The following KPNA1 variants were observed in gnomAD, a reference collection of about 807,000 sequenced individuals.
The protein encoded by KPNA1 is karyopherin subunit alpha 1.
In KPNA1, 10 loss-of-function variants were observed where a neutral mutation model predicts 70.5. That is an observed-to-expected ratio of 0.14 (90% CI 0.09 to 0.24). The LOEUF (loss-of-function observed/expected upper bound fraction) is 0.24, where lower values mean the gene tolerates loss of function less well. Among genes scored for constraint, KPNA1 ranks in the 10% least tolerant of loss-of-function variants. KPNA1 has a pLI of 1.00. For synonymous variants in KPNA1, 192 were observed against 221.9 expected, an observed-to-expected ratio of 0.87 and a Z score of 1.20; for missense variants, 397 against 637.9, an observed-to-expected ratio of 0.62 and a Z score of 4.07.
intron 2 of KPNA1, among the ~76,000 whole-genome samples, chr3:122,477,460 A>C (rs1250259341): frequency 6.6e-6 from 1 of 151,948 alleles, no homozygotes; most frequent in African/African-American, 2.4e-5. Context: ...AGCAATTTGG[A>C]AGGCTGAGGA....
At chr3:122,450,559 G>A (rs1272031936) in intron 8 of KPNA1, among the ~76,000 whole-genome samples, 3 of 152,160 alleles carry the variant, frequency 2.0e-5, no homozygotes, top group Non-Finnish European at 2.9e-5. Context: ...TTCAGCCTGG[G>A]CAACAAGAGC....
Position 122,433,783 on chromosome 3 carries a change from C to A in KPNA1, c.1128G>T (p.Val376=), listed in dbSNP as rs1205418312. 6.3e-7 allele frequency: 1 copy of A among 1,593,378 alleles called. No individual in the cohort carries two copies. Among genetic ancestry groups the A allele is most frequent in the Non-Finnish European group, 8.5e-7 (1 of 1,173,714 alleles). Reference sequence around the variant, plus strand: ...GGGCTGGGAAAATGTTGGCATCTATCACAGTCTAAAATTAAAGAAAAACTT... The same window carrying A: ...GGGCTGGGAAAATGTTGGCATCTATAACAGTCTAAAATTAAAGAAAAACTT... The part of the protein sequence containing the change: ...TAGNRAQIQT[V]IDANIFPALI... Residue 376 remains valine, a synonymous_variant, in exon 12 of 14, where the codon GTG becomes GTT. Coordinates refer to ENST00000344337, the MANE Select transcript of KPNA1 (RefSeq NM_002264.4).
chr3:122,490,031 C>T (rs2076679615), intron 2 of KPNA1, among the ~76,000 whole-genome samples: 1 of 152,196 alleles, frequency 6.6e-6, no homozygotes, highest in Non-Finnish European at 1.5e-5. Flanking sequence ...TGTTTCCAGC[C>T]CTGTGTAAGT....
chr3:122,422,703 T>TA lies in KPNA1; in HGVS notation c.*4281dup, dbSNP rs2075776242. 1 of 152,240 alleles carries TA rather than the reference T, an allele frequency of 6.6e-6. No individual in the cohort carries two copies. 9.4% of individuals were successfully genotyped at this position (152,240 alleles called of 1,614,324 possible). A position where few individuals can be genotyped will look rare whatever the true frequency, so the allele number is the denominator to read the frequency against. On this transcript the variant is annotated 3_prime_UTR_variant, in exon 14 of 14. Transcript: ENST00000344337. ...AACCTTGGGGCAAAGTAATTTCTCG[T>TA]AAGTCTTCACTTTGTCATCTATAAT...
At chr3:122,499,391 T>A (rs1225252426) in intron 1 of KPNA1, among the ~76,000 whole-genome samples, 1 of 152,110 alleles carries the variant, frequency 6.6e-6, no homozygotes, top group Non-Finnish European at 1.5e-5. Flanking sequence ...AATTAAAGAG[T>A]GTCAGATTCT....
At chr3:122,465,081 C>A (rs571192108) in intron 3 of KPNA1, among the ~76,000 whole-genome samples, 2 of 152,270 alleles carry the variant, frequency 1.3e-5, no homozygotes, top group Admixed American at 1.3e-4. Flanking sequence ...CCTCTTATAG[C>A]AAGCTGTACT....
chr3:122,508,386 T>C (rs2076915033), intron 1 of KPNA1, among the ~76,000 whole-genome samples: 1 of 151,874 alleles, frequency 6.6e-6, no homozygotes, highest in Admixed American at 6.6e-5. Flanking sequence ...TAGTGAGGAG[T>C]TGGGCTCAAA....
chr3:122,502,066 C>T (rs1298122110), intron 1 of KPNA1, among the ~76,000 whole-genome samples: 2 of 152,186 alleles, frequency 1.3e-5, no homozygotes, highest in African/African-American at 4.8e-5. Context: ...TTATAACATG[C>T]TACCACATCT....
chr3:122,428,085 T>C (rs573756144), intron 12 of KPNA1, among the ~76,000 whole-genome samples: 1 of 152,356 alleles, frequency 6.6e-6, no homozygotes, highest in South Asian at 2.1e-4. Context: ...ACACTCTTGG[T>C]GCTAAAAGCC....
intron 9 of KPNA1, among the ~76,000 whole-genome samples, chr3:122,448,997 T>C (rs1046480910): frequency 3.9e-5 from 6 of 152,240 alleles, no homozygotes; most frequent in Non-Finnish European, 8.8e-5. Flanking sequence ...TTTGCGACAA[T>C]GTCTCTTTGC....
intron 1 of KPNA1, among the ~76,000 whole-genome samples, chr3:122,512,443 T>G (rs945120172): frequency 6.6e-6 from 1 of 152,240 alleles, no homozygotes; most frequent in Non-Finnish European, 1.5e-5. Context: ...ATAATGCGGC[T>G]GGGCGCGGTG....
intron 2 of KPNA1, among the ~76,000 whole-genome samples, chr3:122,468,462 TAGG>T (rs1346944178): frequency 1.3e-5 from 2 of 152,238 alleles, no homozygotes; most frequent in East Asian, 1.9e-4. Flanking sequence ...CAACTCATTC[TAGG>T]AGATCAGCAT....
chr3:122,470,380 C>T (rs1248590192), intron 2 of KPNA1, among the ~76,000 whole-genome samples: 2 of 151,734 alleles, frequency 1.3e-5, no homozygotes, highest in African/African-American at 4.8e-5. Context: ...GGCGTGGCAG[C>T]GGGCGCCTGT....
chr3:122,504,357 C>CGT (rs2076865188), intron 1 of KPNA1, among the ~76,000 whole-genome samples: 1 of 152,122 alleles, frequency 6.6e-6, no homozygotes, highest in Admixed American at 6.6e-5. Flanking sequence ...TCTGTGATCT[C>CGT]GTGTAAGGGC....
intron 1 of KPNA1, among the ~76,000 whole-genome samples, chr3:122,512,560 C>T (rs1273656920): frequency 1.3e-5 from 2 of 152,072 alleles, no homozygotes; most frequent in South Asian, 4.1e-4. Context: ...CCCGTCTCTA[C>T]TAAAATACAA....
At chr3:122,479,689 G>A (rs1314735547) in intron 2 of KPNA1, among the ~76,000 whole-genome samples, 1 of 152,174 alleles carries the variant, frequency 6.6e-6, no homozygotes, top group African/African-American at 2.4e-5. Flanking sequence ...GAACCAAGGA[G>A]GCAGAGGCTG....
intron 11 of KPNA1, 145 bp downstream of exon 11, chr3:122,437,025 G>A (rs982499543): frequency 4.3e-5 from 30 of 699,744 alleles, no homozygotes; most frequent in Middle Eastern, 5.8e-4. Flanking sequence ...AGTGATCCAC[G>A]GGCCTCAGCC....
chr3:122,514,679 C>T (rs977256323), intron 1 of KPNA1, 78 bp downstream of exon 1: 1 of 152,384 alleles, frequency 6.6e-6, no homozygotes, highest in Non-Finnish European at 1.5e-5. Flanking sequence ...CCCAGGGCCT[C>T]TCCTGAGTCC....
At chr3:122,499,048 G>A (rs2076794726) in intron 1 of KPNA1, among the ~76,000 whole-genome samples, 1 of 152,140 alleles carries the variant, frequency 6.6e-6, no homozygotes, top group South Asian at 2.1e-4. Context: ...AAATATAACT[G>A]ATTTTTGTAT....
Sources: allele counts gnomAD v4.1 joint callset (sites outside exome capture counted in the v4.1 genomes callset), GRCh38; gene constraint gnomAD v4.1.1; transcripts MANE v1.5; gene names NCBI Gene and HGNC (gene_info 2026-07-23, HGNC 2026-07-21).